CHD7: variants seen among roughly 807,000 people sequenced by gnomAD.
The protein encoded by CHD7 is ATP-dependent chromatin remodeler CHD7.
A neutral mutation model predicts 307.3 loss-of-function variants in CHD7; 24 were observed. That is an observed-to-expected ratio of 0.08 (90% confidence interval 0.06 to 0.11). The LOEUF (loss-of-function observed/expected upper bound fraction) is 0.11, where lower values mean the gene tolerates loss of function less well. CHD7 is among the 10% of genes least tolerant of loss of function. The pLI, the probability that CHD7 is intolerant of heterozygous loss-of-function variation, is 1.00. For missense variants in CHD7, 3,106 were observed against 3,727.1 expected (o/e 0.83, Z 4.34); for synonymous variants, 1,363 against 1,349.9 (o/e 1.01, Z -0.21).
intron 13 of CHD7, among the ~76,000 whole-genome samples, chr8:60,827,026 T>G (rs1200402481): frequency 2.0e-5 from 3 of 152,216 alleles, no homozygotes; most frequent in African/African-American, 7.2e-5. Flanking sequence ...TGTTACCCAC[T>G]TTCAAATTGA....
intron 2 of CHD7, among the ~76,000 whole-genome samples, chr8:60,771,849 C>T (rs1003745822): frequency 1.3e-5 from 2 of 152,150 alleles, no homozygotes; most frequent in African/African-American, 2.4e-5. Context: ...TCCCTGGCAA[C>T]GTAGAGTTCC....
In CHD7 at chr8:60,747,857, C is replaced by T. The variant is rs79551219; in HGVS notation, c.1665+4760C>T. 2.0e-3 allele frequency among the ~76,000 whole-genome samples: 303 copies of T among 152,296 alleles called. 1 individual carries two copies. Among genetic ancestry groups the T allele is most frequent in the Non-Finnish European group, 3.5e-3 (235 of 68,024 alleles). ...TATCTCTGAAGTGAGGGATCATATG[C>T]CTTCCTGGTTAGAGGCTCAGTGAGA... On this transcript the variant is annotated intron_variant, in intron 2 of 37. Transcript: ENST00000423902.
intron 2 of CHD7, among the ~76,000 whole-genome samples, chr8:60,763,229 A>G (rs753467957): frequency 7.4e-4 from 112 of 152,232 alleles, no homozygotes; most frequent in Non-Finnish European, 2.9e-5. Flanking sequence ...GTAATATTTA[A>G]CCATTTCAAC....
intron 1 of CHD7, among the ~76,000 whole-genome samples, chr8:60,729,395 C>G (rs1808329444): frequency 6.6e-6 from 1 of 152,100 alleles, no homozygotes; most frequent in Non-Finnish European, 1.5e-5. Context: ...GAGTAATTGG[C>G]ATAAAGTAGG....
chr8:60,865,699 G>A lies in CHD7; in HGVS notation c.8760G>A (p.Gly2920=). The A allele has an allele frequency of 6.2e-7, 1 of 1,606,634 alleles. No homozygotes were observed. Among genetic ancestry groups the A allele is most frequent in the East Asian group, 2.2e-5 (1 of 44,732 alleles). ...PPGLGGLTLP[G]FPALAGLQNA... is the part of the protein sequence containing the mutation. ...GACTGGGGGGATTGACGCTGCCTGG[G>A]TTCCCAGCATTGGCAGGACTTCAGA... is the stretch of plus-strand genomic sequence containing the variant. The change falls in exon 38 of 38, where the codon GGG becomes GGA. Residue 2920 remains glycine (G), a synonymous_variant. Coordinates refer to ENST00000423902, the MANE Select transcript of CHD7 (RefSeq NM_017780.4). The surrounding 1 kb of genome is among the most constrained non-coding windows in gnomAD (Gnocchi z 4.3).
chr8:60,803,848 A>C (rs1812426129), intron 6 of CHD7, among the ~76,000 whole-genome samples: 1 of 152,242 alleles, frequency 6.6e-6, no homozygotes, highest in African/African-American at 2.4e-5. Context: ...TTGTGGATTC[A>C]ATCTATGCCT....
Position 60,741,555 on chromosome 8 carries a change from GCCAAT to G in CHD7, c.124_128del (p.Pro42ArgfsTer17). The G allele has an allele frequency of 6.2e-7, 1 of 1,613,538 alleles. No homozygotes were observed. ...CAGTAAATCCTATGGGTCAGCAAAT[GCCAAT>G]AGACCAAGGCTTTGCCTCTTTACAG... On this transcript the variant is annotated frameshift_variant, in exon 2 of 38. Coordinates refer to ENST00000423902, the MANE Select transcript of CHD7 (RefSeq NM_017780.4). LOFTEE classifies it high-confidence loss of function.
At chr8:60,864,932 G>T in intron 37 of CHD7, 84 bp from the exon 38 acceptor site, 1 of 1,318,454 alleles carries the variant, frequency 7.6e-7, no homozygotes, top group Non-Finnish European at 1.0e-6. Flanking sequence ...ATTTGGAATG[G>T]CAGGTTCACC....
chr8:60,737,962 G>C (rs897580952), intron 1 of CHD7, among the ~76,000 whole-genome samples: 2 of 152,298 alleles, frequency 1.3e-5, no homozygotes, highest in South Asian at 4.1e-4. Context: ...TAGGTGCTCA[G>C]TAAATACATT....
intron 3 of CHD7, among the ~76,000 whole-genome samples, chr8:60,794,477 A>G (rs1042964982): frequency 6.6e-6 from 1 of 152,238 alleles, no homozygotes; most frequent in African/African-American, 2.4e-5. Flanking sequence ...GGAAATTGCT[A>G]TGTATTTTTA....
chr8:60,730,227 A>C (rs1313817618), intron 1 of CHD7, among the ~76,000 whole-genome samples: 1 of 152,226 alleles, frequency 6.6e-6, no homozygotes, highest in Non-Finnish European at 1.5e-5. Flanking sequence ...GGAGGAAGGA[A>C]ACCCAGATGA....
intron 1 of CHD7, among the ~76,000 whole-genome samples, chr8:60,681,416 G>T (rs1349254170): frequency 2.6e-5 from 4 of 152,168 alleles, no homozygotes; most frequent in Non-Finnish European, 5.9e-5. Context: ...CATTGACAAT[G>T]ATAATAAAGA....
intron 1 of CHD7, among the ~76,000 whole-genome samples, chr8:60,680,295 C>T (rs1805538694): frequency 6.7e-6 from 1 of 148,748 alleles, no homozygotes; most frequent in African/African-American, 2.5e-5. Flanking sequence ...TTGGTTCGCA[C>T]CGGGGATTGG....
chr8:60,703,377 T>C (rs923143329), intron 1 of CHD7, among the ~76,000 whole-genome samples: 5 of 152,358 alleles, frequency 3.3e-5, no homozygotes, highest in African/African-American at 1.2e-4. Flanking sequence ...AGCACCAGAA[T>C]GAAAGGCCTG....
Position 60,795,258 on chromosome 8 carries a change from A to T in CHD7, c.2238+131A>T, listed in dbSNP as rs1811966556. 14 of 858,632 alleles carry T rather than the reference A, an allele frequency of 1.6e-5. No individual in the cohort carries two copies. The South Asian group carries it at 3.2e-4, about 20-fold the overall frequency. The allele number at this position is 858,632 out of a possible 1,614,324, so 53.2% of individuals were successfully genotyped here. A position where few individuals can be genotyped will look rare whatever the true frequency, so the allele number is the denominator to read the frequency against. On this transcript the variant is annotated intron_variant, in intron 4 of 37. Coordinates refer to ENST00000423902, the MANE Select transcript of CHD7 (RefSeq NM_017780.4). ...TGAGATGTCTTTATTGTAGTCTGGA[A>T]CATTATCTCCATAGCGATGTAGGGA... is the stretch of plus-strand genomic sequence containing the variant.
intron 1 of CHD7, among the ~76,000 whole-genome samples, chr8:60,729,272 G>C (rs1808322795): frequency 6.6e-6 from 1 of 152,172 alleles, no homozygotes; most frequent in Admixed American, 6.5e-5. Context: ...TTGTGACTGT[G>C]CTTTTGAAGT....
At chr8:60,850,208 G>A (rs1380597945) in intron 25 of CHD7, among the ~76,000 whole-genome samples, 2 of 152,180 alleles carry the variant, frequency 1.3e-5, no homozygotes, top group Non-Finnish European at 2.9e-5. Context: ...GAAAAATAGG[G>A]TCAGAAATCC....
At position 60,767,860 on chromosome 8, in the gene CHD7, C is replaced by T. The variant is rs181817387; in HGVS notation, c.1666-13140C>T. ...TACTTAAGCATAATTATTCTGTGCA[C>T]GGTGAACTGTCTAATAATTATTATT... is the stretch of plus-strand genomic sequence containing the variant. On this transcript the variant is annotated intron_variant, in intron 2 of 37. Transcript: ENST00000423902. Among the ~76,000 whole-genome samples, 425 of 152,242 alleles carry T rather than the reference C, an allele frequency of 2.8e-3. 1 individual carries two copies. Among genetic ancestry groups the T allele is most frequent in the African/African-American group, 9.6e-3 (399 of 41,532 alleles).
At chr8:60,822,469 C>A in intron 11 of CHD7, 34 bp from the exon 12 acceptor site, 1 of 1,604,184 alleles carries the variant, frequency 6.2e-7, no homozygotes, top group South Asian at 1.1e-5. Flanking sequence ...TATCCATACT[C>A]ATTAAACTTT....
Sources: gnomAD v4.1 joint callset for allele counts (sites outside exome capture counted in the v4.1 genomes callset) on GRCh38, gnomAD v4.1.1 for gene constraint, Gnocchi (gnomAD v3.1) non-coding constraint, MANE v1.5 for transcripts, NCBI Gene and HGNC (gene_info 2026-07-23, HGNC 2026-07-21) for gene names.